The following ITGB4 variants were observed in gnomAD, a reference collection of about 807,000 sequenced individuals.
ITGB4 encodes the protein integrin subunit beta 4, also known as integrin beta-4.
ITGB4 carries 159 observed loss-of-function variants against 207.6 expected under a neutral mutation model. The observed-to-expected ratio is 0.77, with a 90% CI of 0.67 to 0.87. ITGB4 has a LOEUF of 0.87. ITGB4 is among the 40% of genes least tolerant of loss of function. The pLI is 0.00. For synonymous variants in ITGB4, 1,020 were observed against 1,062.7 expected (o/e 0.96, Z 0.78); for missense variants, 2,278 against 2,546.8 (o/e 0.89, Z 2.27).
chr17:75,723,106 G>A (rs1231629357), intron 1 of ITGB4, among the ~76,000 whole-genome samples: 1 of 152,220 alleles, frequency 6.6e-6, no homozygotes, highest in Non-Finnish European at 1.5e-5. Context: ...CTTCTGCGTG[G>A]AGGCTGCCAT....
At chr17:75,754,501 T>C (rs1276876164) in intron 33 of ITGB4, 75 bp from the exon 34 acceptor site, 2 of 1,595,338 alleles carry the variant, frequency 1.3e-6, no homozygotes, top group African/African-American at 2.7e-5. Context: ...ACCAGGAATG[T>C]GCAGGGCCCA....
chr17:75,756,472 G>C lies in ITGB4; in HGVS notation c.4752G>C (p.Ser1584=), dbSNP rs775475841. ...RLNIPNPAQT[S]VVVEDLLPNH... ...ACATCCCCAACCCTGCCCAGACCTC[G>C]GTGGTGGTGGAAGACCTCCTGCCCA... The change falls in exon 36 of 40, where the codon TCG becomes TCC. Residue 1584 remains serine, a synonymous_variant. Transcript: ENST00000200181. 6.2e-7 allele frequency: 1 copy of C among 1,613,166 alleles called. No individual in the cohort carries two copies. The highest frequency in any genetic ancestry group is 8.5e-7 in the Non-Finnish European group (1 of 1,179,996).
Position 75,757,462 on chromosome 17 carries a change from C to T in ITGB4, c.5376C>T (p.Leu1792=), listed in dbSNP as rs1423037489. 1 of 1,612,714 alleles carries T rather than the reference C, an allele frequency of 6.2e-7. No homozygotes were observed. Among genetic ancestry groups the T allele is most frequent in the Non-Finnish European group, 8.5e-7 (1 of 1,179,978 alleles). Residue 1792 remains leucine, a synonymous_variant, in exon 40 of 40, where the codon CTC becomes CTT. Transcript: ENST00000200181. ...AGCACCTGGAGGCAGGCGGCTCCCTCACCCGGCATGTGACCCAGGAGTTTG... is the reference window on the plus strand; with the variant it reads ...AGCACCTGGAGGCAGGCGGCTCCCTTACCCGGCATGTGACCCAGGAGTTTG... ...GAQHLEAGGS[L]TRHVTQEFVS... is the part of the protein sequence containing the mutation.
In ITGB4 at chr17:75,733,616, C is replaced by T. The variant is rs374868983; in HGVS notation, c.1581C>T (p.Gly527=). The T allele has an allele frequency of 5.8e-5, 94 of 1,614,026 alleles. No homozygotes were observed. Among genetic ancestry groups the T allele is most frequent in the Non-Finnish European group, 6.8e-5 (80 of 1,180,048 alleles). ...ECQCGHCVCY[G]EGRYEGQFCE... ...AGTGCGGGCACTGTGTGTGCTACGG[C>T]GAAGGCCGCTACGAGGGTCAGTTCT... The change falls in exon 13 of 40, where the codon GGC becomes GGT. Residue 527 remains glycine, a synonymous_variant. Transcript: ENST00000200181.
intron 2 of ITGB4, among the ~76,000 whole-genome samples, chr17:75,726,898 C>G (rs2060729276): frequency 6.6e-6 from 1 of 152,062 alleles, no homozygotes. Context: ...ACGGTGAAAC[C>G]CTGTCTCTAC....
chr17:75,733,747 G>A, intron 13 of ITGB4, 55 bp downstream of exon 13: 2 of 1,564,350 alleles, frequency 1.3e-6, no homozygotes, highest in Non-Finnish European at 1.7e-6. Flanking sequence ...TGGACAGCAA[G>A]CATGACTTTC....
intron 31 of ITGB4, 43 bp from the exon 32 acceptor site, chr17:75,752,403 G>A: frequency 6.2e-7 from 1 of 1,612,674 alleles, no homozygotes; most frequent in Non-Finnish European, 8.5e-7. Context: ...CAGGGGGGCA[G>A]GGGGCAGCAG....
At position 75,740,057 on chromosome 17, in the gene ITGB4, A is replaced by G. The variant is rs1391961629; in HGVS notation, c.2432A>G (p.Asn811Ser). 2 of 1,612,378 alleles carry G rather than the reference A, an allele frequency of 1.2e-6. No homozygotes were observed. The highest frequency in any genetic ancestry group is 1.3e-5 in the African/African-American group (1 of 75,034). The change falls in exon 20 of 40, where the codon AAC becomes AGC. Residue 811 changes from asparagine (N) to serine (S), a missense_variant. Asn to Ser is a conservative substitution (Grantham distance 46). Transcript: ENST00000200181. This position sits in a 1 kb window ranked among gnomAD's most constrained non-coding sequence, Gnocchi z 5.9. ...TTTGCCACTCATGCCGCCAGCATCAACCCCACAGAGCTGGGTGAGGGCGGG... is the reference window on the plus strand; with the variant it reads ...TTTGCCACTCATGCCGCCAGCATCAGCCCCACAGAGCTGGGTGAGGGCGGG... ...PGFATHAASI[N>S]PTELVPYGLS...
Position 75,731,026 on chromosome 17 carries a change from G to A in ITGB4, c.1092+62G>A. 1 of 1,500,960 alleles carries A rather than the reference G, an allele frequency of 6.7e-7. No individual in the cohort carries two copies. Among genetic ancestry groups the A allele is most frequent in the Non-Finnish European group, 9.3e-7 (1 of 1,078,866 alleles). 93.0% of individuals were successfully genotyped at this position (1,500,960 alleles called of 1,614,324 possible). A position where few individuals can be genotyped will look rare whatever the true frequency, so the allele number is the denominator to read the frequency against. Reference sequence around the variant, plus strand: ...TGGGGCAGGGCAGGAAGTGGGCAGGGTGGGCAAGAGGTGTCTTGGATCACG... The same window carrying A: ...TGGGGCAGGGCAGGAAGTGGGCAGGATGGGCAAGAGGTGTCTTGGATCACG... On this transcript the variant is annotated intron_variant, in intron 9 of 39. Transcript: ENST00000200181. This position sits in a 1 kb window ranked among gnomAD's most constrained non-coding sequence, Gnocchi z 6.8.
At chr17:75,737,296 G>A (rs1462798234) in intron 16 of ITGB4, 26 bp from the exon 17 acceptor site, 2 of 1,581,834 alleles carry the variant, frequency 1.3e-6, no homozygotes, top group Non-Finnish European at 1.7e-6. Flanking sequence ...TGGCTGGGGT[G>A]CCCTGCTGAC....
rs2060629314 is a variant in ITGB4 at position 75,722,217 on chromosome 17, A to G, written c.-11+605A>G. Among the ~76,000 whole-genome samples, 1 of 152,114 alleles carries G rather than the reference A, an allele frequency of 6.6e-6. No homozygotes were observed. The highest frequency in any genetic ancestry group is 1.5e-5 in the Non-Finnish European group (1 of 67,988). On this transcript the variant is annotated intron_variant, in intron 1 of 39. Coordinates refer to ENST00000200181, the MANE Select transcript of ITGB4 (RefSeq NM_000213.5). This position sits in a 1 kb window ranked among gnomAD's most constrained non-coding sequence, Gnocchi z 6.2. ...CAGGCGCCTTCCTTCAGGAAGCTCTACAGGCCTCACCCACCAGCCCCAGGG... is the reference window on the plus strand; with the variant it reads ...CAGGCGCCTTCCTTCAGGAAGCTCTGCAGGCCTCACCCACCAGCCCCAGGG...
intron 16 of ITGB4, 69 bp downstream of exon 16, chr17:75,736,763 G>A: frequency 1.3e-6 from 2 of 1,518,828 alleles, no homozygotes; most frequent in Non-Finnish European, 1.8e-6. Flanking sequence ...GGGCAAGGGT[G>A]TCATCACCTG....
chr17:75,740,897 G>A lies in ITGB4; in HGVS notation c.2609+46G>A, dbSNP rs572487116. ...GTTGGGTGGGGGAGCCGCTCCTACC[G>A]GGACTCCAGGAGCCGAAGCCCCCAG... On this transcript the variant is annotated intron_variant, in intron 22 of 39. Transcript: ENST00000200181. The surrounding 1 kb of genome is among the most constrained non-coding windows in gnomAD (Gnocchi z 5.9). The A allele has an allele frequency of 4.6e-4, 738 of 1,613,300 alleles. 5 individuals carry two copies. The South Asian group carries it at 7.3e-3, about 16-fold the overall frequency.
chr17:75,742,473 C>A lies in ITGB4; in HGVS notation c.2766C>A (p.Thr922=). 1 of 1,613,122 alleles carries A rather than the reference C, an allele frequency of 6.2e-7. No homozygotes were observed. Among genetic ancestry groups the A allele is most frequent in the Non-Finnish European group, 8.5e-7 (1 of 1,179,810 alleles). Residue 922 remains threonine, a synonymous_variant, in exon 24 of 40, where the codon ACC becomes ACA. Transcript: ENST00000200181. The surrounding 1 kb of genome is among the most constrained non-coding windows in gnomAD (Gnocchi z 5.9). Reference sequence around the variant, plus strand: ...TCAAGGTGGCCCCCGGCTACTACACCCTCACTGCAGACCAGGGTAGGAGGG... The same window carrying A: ...TCAAGGTGGCCCCCGGCTACTACACACTCACTGCAGACCAGGGTAGGAGGG... ...HDLKVAPGYY[T]LTADQDARGM...
At chr17:75,738,721 G>T (rs929520313) in intron 18 of ITGB4, among the ~76,000 whole-genome samples, 3 of 152,254 alleles carry the variant, frequency 2.0e-5, no homozygotes, top group African/African-American at 7.2e-5. Context: ...GGATGGCATA[G>T]CTCAGAGTAG....
chr17:75,743,998 G>A (rs1054895661), intron 26 of ITGB4, 137 bp downstream of exon 26: 2 of 979,356 alleles, frequency 2.0e-6, no homozygotes, highest in African/African-American at 1.6e-5. Flanking sequence ...GCCTCCCAAG[G>A]ACACGTCCAC....
intron 26 of ITGB4, among the ~76,000 whole-genome samples, chr17:75,745,025 A>G (rs1243984122): frequency 6.6e-6 from 1 of 152,064 alleles, no homozygotes; most frequent in Non-Finnish European, 1.5e-5. Flanking sequence ...TCGGCTTCCC[A>G]AAGTGCAGGG....
At chr17:75,724,565 C>T (rs1026065878) in intron 1 of ITGB4, 129 bp from the exon 2 acceptor site, 12 of 778,136 alleles carry the variant, frequency 1.5e-5, no homozygotes, top group Middle Eastern at 2.3e-4. Context: ...CTGCCTCTGG[C>T]GGCTGGGCGC....
chr17:75,731,867 G>A lies in ITGB4; in HGVS notation c.1271G>A (p.Cys424Tyr), dbSNP rs370613824. 1 of 1,613,504 alleles carries A rather than the reference G, an allele frequency of 6.2e-7. No individual in the cohort carries two copies. The highest frequency in any genetic ancestry group is 8.5e-7 in the Non-Finnish European group (1 of 1,179,784). ...ALEHVDGTHV[C>Y]QLPEDQKGNI... is the part of the protein sequence containing the mutation. ...GAGCACGTGGATGGGACGCACGTGT[G>A]CCAGCTGCCGGAGGACCAGAAGGGC... The change falls in exon 11 of 40, where the codon TGC becomes TAC. Residue 424 changes from cysteine (C) to tyrosine (Y), a missense_variant. By Grantham distance (194) the Cys-to-Tyr change is radical. Transcript: ENST00000200181. This position sits in a 1 kb window ranked among gnomAD's most constrained non-coding sequence, Gnocchi z 6.8.
Sources: allele counts gnomAD v4.1 joint callset (sites outside exome capture counted in the v4.1 genomes callset), GRCh38; gene constraint gnomAD v4.1.1; non-coding constraint Gnocchi (gnomAD v3.1); transcripts MANE v1.5; gene names NCBI Gene and HGNC (gene_info 2026-07-23, HGNC 2026-07-21).